The following PRR16 variants were observed in gnomAD, a reference collection of about 807,000 sequenced individuals.
PRR16 encodes the protein protein Largen.
In PRR16, 6 loss-of-function variants were observed where a neutral mutation model predicts 18.2. The ratio of observed to expected loss-of-function variants is 0.33; its 90% CI spans 0.18 to 0.65. The LOEUF is 0.65. Among genes scored for constraint, PRR16 ranks in the 30% least tolerant of loss-of-function variants. PRR16 has a pLI of 0.74. For missense variants in PRR16, 412 were observed against 376.6 expected (o/e 1.09, Z -0.78); for synonymous variants, 151 against 147.8 (o/e 1.02, Z -0.16).
intron 1 of PRR16, among the ~76,000 whole-genome samples, chr5:120,560,173 T>C (rs915426742): frequency 3.3e-5 from 5 of 151,968 alleles, no homozygotes; most frequent in Non-Finnish European, 1.5e-5. Flanking sequence ...TATTGCTATG[T>C]TGAATAATGG....
chr5:120,580,026 C>T (rs765458834), intron 1 of PRR16, among the ~76,000 whole-genome samples: 3 of 152,136 alleles, frequency 2.0e-5, no homozygotes, highest in Non-Finnish European at 4.4e-5. Flanking sequence ...TGATTTGGCT[C>T]TGTACTTGCC....
At chr5:120,737,795 C>T in the PRR16 span, among the ~76,000 whole-genome samples, 5 of 152,014 alleles carry the variant, frequency 3.3e-5, no homozygotes, top group African/African-American at 7.2e-5. Context: ...AATCACCTCA[C>T]TGGTGATATT....
chr5:120,682,154 C>A (rs781309303), intron 1 of PRR16, among the ~76,000 whole-genome samples: 9 of 152,174 alleles, frequency 5.9e-5, no homozygotes, highest in Non-Finnish European at 1.2e-4. Flanking sequence ...GTCTTTAAAT[C>A]ACTCACACTC....
chr5:120,705,090 G>A, the PRR16 span, among the ~76,000 whole-genome samples: 1 of 151,660 alleles, frequency 6.6e-6, no homozygotes, highest in African/African-American at 2.4e-5. Flanking sequence ...AAAAAAAAAG[G>A]AGAGTACATT....
rs1331930408 is a variant in PRR16, at chr5:120,497,779, TATC to T, written c.159+33137_159+33139del. ...TAGACAACATTGTATAAAAATAACA[TATC>T]ATATTATTTAATATTATCATATACA... On this transcript the variant is annotated intron_variant, in intron 1 of 1. Transcript: ENST00000407149. Among the ~76,000 whole-genome samples the T allele has an allele frequency of 4.6e-5, 7 of 151,772 alleles. No homozygotes were observed. In the East Asian group the frequency reaches 5.8e-4, roughly 13 times the overall value.
the PRR16 span, among the ~76,000 whole-genome samples, chr5:120,725,396 T>A: frequency 2.6e-5 from 4 of 151,722 alleles, no homozygotes; most frequent in South Asian, 8.3e-4. Flanking sequence ...TGGCTCACGT[T>A]TGTAATCCCA....
At chr5:120,470,471 G>A (rs1226894628) in intron 1 of PRR16, among the ~76,000 whole-genome samples, 1 of 152,060 alleles carries the variant, frequency 6.6e-6, no homozygotes, top group African/African-American at 2.4e-5. Context: ...CATAGATGAA[G>A]TTATACAAAG....
At chr5:120,547,363 G>C (rs1302054048) in intron 1 of PRR16, among the ~76,000 whole-genome samples, 1 of 152,002 alleles carries the variant, frequency 6.6e-6, no homozygotes, top group Non-Finnish European at 1.5e-5. Context: ...AAATGGGTGG[G>C]TGGCAATATG....
At chr5:120,744,038 T>A in the PRR16 span, among the ~76,000 whole-genome samples, 1 of 152,090 alleles carries the variant, frequency 6.6e-6, no homozygotes, top group African/African-American at 2.4e-5. Flanking sequence ...TTCAAGAGAC[T>A]GTTACTGAGC....
At chr5:120,784,023 G>T in the PRR16 span, among the ~76,000 whole-genome samples, 332 of 152,182 alleles carry the variant, frequency 2.2e-3, 1 homozygote, top group Middle Eastern at 6.8e-3. Flanking sequence ...TTCCAACCAT[G>T]TAATTACAAA....
chr5:120,503,044 C>G (rs894611230), intron 1 of PRR16, among the ~76,000 whole-genome samples: 7 of 151,962 alleles, frequency 4.6e-5, no homozygotes, highest in African/African-American at 1.5e-4. Flanking sequence ...TTAGAAGCCA[C>G]TAGGTTAAAA....
the PRR16 span, among the ~76,000 whole-genome samples, chr5:120,716,015 G>A: frequency 6.6e-6 from 1 of 152,044 alleles, no homozygotes; most frequent in Non-Finnish European, 1.5e-5. Flanking sequence ...CCTCCAATAT[G>A]TCTCATCTGC....
At chr5:120,535,379 T>C (rs1308905209) in intron 1 of PRR16, among the ~76,000 whole-genome samples, 2 of 152,256 alleles carry the variant, frequency 1.3e-5, no homozygotes. Context: ...TGTAATTGTT[T>C]TATCAAAACA....
At chr5:120,479,291 T>G (rs1013069031) in intron 1 of PRR16, among the ~76,000 whole-genome samples, 10 of 152,282 alleles carry the variant, frequency 6.6e-5, no homozygotes, top group African/African-American at 2.4e-4. Context: ...GTTTTCAATC[T>G]GTCCACTTCA....
At chr5:120,739,302 G>C in the PRR16 span, among the ~76,000 whole-genome samples, 3 of 152,104 alleles carry the variant, frequency 2.0e-5, no homozygotes, top group Non-Finnish European at 4.4e-5. Context: ...TATGAATATA[G>C]ATTTGGTCTC....
rs1001027514 is a variant in PRR16, at chr5:120,651,142, G to A, written c.160-34812G>A. Among the ~76,000 whole-genome samples the A allele has an allele frequency of 1.1e-3, 171 of 152,054 alleles. 1 individual carries two copies. The Middle Eastern group carries it at 0.014, about 12-fold the overall frequency. On this transcript the variant is annotated intron_variant, in intron 1 of 1. Transcript: ENST00000407149. ...AAATGTCTTCTTTTGAGAAGTGTCT[G>A]TTCATATCCTTCGCCCACTTTTTGA... is the stretch of plus-strand genomic sequence containing the variant.
At chr5:120,574,803 T>C (rs948516290) in intron 1 of PRR16, among the ~76,000 whole-genome samples, 1 of 149,086 alleles carries the variant, frequency 6.7e-6, no homozygotes, top group Non-Finnish European at 1.5e-5. Context: ...TTGGTAAAAA[T>C]GTAAATTGAC....
chr5:120,481,449 T>C (rs1289477371), intron 1 of PRR16, among the ~76,000 whole-genome samples: 1 of 152,166 alleles, frequency 6.6e-6, no homozygotes, highest in African/African-American at 2.4e-5. Flanking sequence ...AATATATCAT[T>C]GCCGATGTTG....
At chr5:120,517,082 C>CA (rs1305547396) in intron 1 of PRR16, among the ~76,000 whole-genome samples, 1 of 151,842 alleles carries the variant, frequency 6.6e-6, no homozygotes, top group African/African-American at 2.4e-5. Context: ...AAATTGCTAG[C>CA]AAAAAAATCT....
Sources: allele counts gnomAD v4.1 joint callset (sites outside exome capture counted in the v4.1 genomes callset), GRCh38; gene constraint gnomAD v4.1.1; transcripts MANE v1.5; gene names NCBI Gene and HGNC (gene_info 2026-07-23, HGNC 2026-07-21).